The following DGKI variants were observed in gnomAD, a reference collection of about 807,000 sequenced individuals.
DGKI encodes the protein DAG kinase iota.
In DGKI, 55 loss-of-function variants were observed where a neutral mutation model predicts 147.5. The observed-to-expected ratio is 0.37, with a 90% CI of 0.30 to 0.47. DGKI has a LOEUF of 0.47. Among genes scored for constraint, DGKI ranks in the 20% least tolerant of loss-of-function variants. The pLI is 1.00. For synonymous variants in DGKI, 469 were observed against 477.1 expected, an observed-to-expected ratio of 0.98 and a Z score of 0.22; for missense variants, 1,007 against 1,323.8, an observed-to-expected ratio of 0.76 and a Z score of 3.71.
At chr7:137,495,586 C>CA (rs1176410317) in intron 21 of DGKI, among the ~76,000 whole-genome samples, 1 of 149,736 alleles carries the variant, frequency 6.7e-6, no homozygotes, top group East Asian at 2.0e-4. Flanking sequence ...CCAAATCCAG[C>CA]AACACATCAG....
intron 1 of DGKI, among the ~76,000 whole-genome samples, chr7:137,748,137 T>C (rs1483703444): frequency 2.6e-5 from 4 of 152,128 alleles, no homozygotes; most frequent in African/African-American, 7.2e-5. Flanking sequence ...TCCCTGAACA[T>C]TGGCTCTCTG....
intron 12 of DGKI, among the ~76,000 whole-genome samples, chr7:137,592,446 C>T (rs1290409694): frequency 1.3e-5 from 2 of 152,232 alleles, no homozygotes; most frequent in Admixed American, 6.5e-5. Flanking sequence ...ACAGCAGCAG[C>T]TGGTCAATGC....
intron 1 of DGKI, among the ~76,000 whole-genome samples, chr7:137,828,269 T>G (rs1281617943): frequency 6.6e-6 from 1 of 152,280 alleles, no homozygotes; most frequent in Non-Finnish European, 1.5e-5. Flanking sequence ...AATCATTTAT[T>G]ATTCAATTTT....
At chr7:137,814,517 C>G (rs1419110944) in intron 1 of DGKI, among the ~76,000 whole-genome samples, 2 of 152,122 alleles carry the variant, frequency 1.3e-5, no homozygotes, top group Non-Finnish European at 1.5e-5. Flanking sequence ...CCCAAGGCCC[C>G]TAATCCCCCA....
At chr7:137,537,913 G>GAGGAA (rs1194917795) in intron 20 of DGKI, among the ~76,000 whole-genome samples, 3 of 152,158 alleles carry the variant, frequency 2.0e-5, no homozygotes, top group South Asian at 2.1e-4. Flanking sequence ...TTTATAAAGA[G>GAGGAA]AGGAAAGGAA....
intron 19 of DGKI, among the ~76,000 whole-genome samples, chr7:137,564,445 C>T (rs1398960972): frequency 2.0e-5 from 3 of 151,858 alleles, no homozygotes; most frequent in Non-Finnish European, 4.4e-5. Flanking sequence ...AAAGTATAAA[C>T]AAAAAGAATT....
chr7:137,603,101 A>G (rs1820051262), intron 10 of DGKI, among the ~76,000 whole-genome samples: 1 of 152,184 alleles, frequency 6.6e-6, no homozygotes, highest in South Asian at 2.1e-4. Context: ...AACAAGATTC[A>G]TTCATTCACC....
intron 28 of DGKI, among the ~76,000 whole-genome samples, chr7:137,420,372 A>C (rs2128905606): frequency 6.6e-6 from 1 of 152,314 alleles, no homozygotes; most frequent in Non-Finnish European, 1.5e-5. Context: ...TAGGTGGGAG[A>C]AAATGCCATG....
At chr7:137,777,738 A>G (rs995721163) in intron 1 of DGKI, among the ~76,000 whole-genome samples, 1 of 152,282 alleles carries the variant, frequency 6.6e-6, no homozygotes, top group East Asian at 1.9e-4. Flanking sequence ...TTAAGTCTTC[A>G]TCTGGTTCAT....
chr7:137,508,380 C>A (rs1423007008), intron 21 of DGKI, among the ~76,000 whole-genome samples: 1 of 151,936 alleles, frequency 6.6e-6, no homozygotes, highest in Non-Finnish European at 1.5e-5. Context: ...GCACCCACCA[C>A]CATGTCCAGC....
intron 6 of DGKI, among the ~76,000 whole-genome samples, chr7:137,642,001 C>T (rs565415269): frequency 1.8e-4 from 27 of 152,252 alleles, no homozygotes; most frequent in African/African-American, 6.0e-4. Flanking sequence ...TAAATTTTGA[C>T]TGAATGAAGG....
At chr7:137,400,735 G>A (rs1457665162) in intron 30 of DGKI, among the ~76,000 whole-genome samples, 2 of 151,958 alleles carry the variant, frequency 1.3e-5, no homozygotes, top group Non-Finnish European at 2.9e-5. Flanking sequence ...AGAAACTTTT[G>A]CTCATAATTA....
chr7:137,442,147 A>G (rs1563021483), intron 28 of DGKI, among the ~76,000 whole-genome samples: 1 of 152,206 alleles, frequency 6.6e-6, no homozygotes, highest in Non-Finnish European at 1.5e-5. Flanking sequence ...ACTAAGAGGT[A>G]TGAACATGTA....
In DGKI at chr7:137,581,895, G is replaced by A; in HGVS notation, c.1597C>T (p.Leu533Phe). 1 of 1,613,560 alleles carries A rather than the reference G, an allele frequency of 6.2e-7. No homozygotes were observed. Among genetic ancestry groups the A allele is most frequent in the Non-Finnish European group, 8.5e-7 (1 of 1,179,572 alleles). Residue 533 changes from leucine to phenylalanine, a missense_variant, in exon 15 of 33, where the codon CTT (leucine) becomes TTT (phenylalanine). Leu to Phe is a conservative substitution (Grantham distance 22). Transcript: ENST00000614521. ...AGTGTGACATGGGCATCAAATCCAA[G>A]GCTGAAGTAGTTATTGAAAACATTC... ...PLNVFNNYFS[L>F]GFDAHVTLEF... is the part of the protein sequence containing the mutation.
At chr7:137,712,707 A>G (rs1326965668) in intron 1 of DGKI, among the ~76,000 whole-genome samples, 2 of 152,224 alleles carry the variant, frequency 1.3e-5, no homozygotes, top group African/African-American at 4.8e-5. Context: ...GAATGTTAAT[A>G]GTCGTCATAT....
chr7:137,447,593 T>G (rs2128918994), intron 27 of DGKI, among the ~76,000 whole-genome samples: 1 of 152,306 alleles, frequency 6.6e-6, no homozygotes, highest in East Asian at 1.9e-4. Context: ...GATATGAAAT[T>G]GCATAGAATC....
At chr7:137,656,013 T>C (rs1822206656) in intron 4 of DGKI, among the ~76,000 whole-genome samples, 1 of 152,138 alleles carries the variant, frequency 6.6e-6, no homozygotes, top group Admixed American at 6.5e-5. Flanking sequence ...CCCAGCAGAG[T>C]GAGAGCCGGC....
intron 28 of DGKI, among the ~76,000 whole-genome samples, chr7:137,439,992 T>G (rs1813433669): frequency 6.6e-6 from 1 of 152,276 alleles, no homozygotes; most frequent in South Asian, 2.1e-4. Flanking sequence ...CTGGCACAGG[T>G]AGCAGCAGTA....
At chr7:137,820,912 A>C (rs562855590) in intron 1 of DGKI, among the ~76,000 whole-genome samples, 1 of 152,238 alleles carries the variant, frequency 6.6e-6, no homozygotes, top group African/African-American at 2.4e-5. Context: ...GCCCCTCACC[A>C]ACCTCCTCTG....
Sources: allele counts gnomAD v4.1 joint callset (sites outside exome capture counted in the v4.1 genomes callset), GRCh38; gene constraint gnomAD v4.1.1; transcripts MANE v1.5; gene names NCBI Gene and HGNC (gene_info 2026-07-23, HGNC 2026-07-21).